Variants in MYOM2 observed in about 807,000 individuals in gnomAD.
The protein encoded by MYOM2 is myomesin 2.
Under a neutral mutation model 187.6 loss-of-function variants are expected in MYOM2, and 254 were observed. The observed-to-expected ratio is 1.35, with a 90% CI of 1.22 to 1.50. The LOEUF is 1.50. MYOM2 is among the 40% of genes most tolerant of loss of function. The pLI is 0.00. For synonymous variants in MYOM2, 981 were observed against 753.8 expected (o/e 1.30, Z -4.94); for missense variants, 2,796 against 1,924.0 (o/e 1.45, Z -8.48).
chr8:2,074,590 G>A (rs917398575), intron 10 of MYOM2, among the ~76,000 whole-genome samples: 1 of 152,274 alleles, frequency 6.6e-6, no homozygotes, highest in Middle Eastern at 3.4e-3. Context: ...CGGTAGCTGG[G>A]ACTACAGGCA....
intron 28 of MYOM2, among the ~76,000 whole-genome samples, chr8:2,121,177 C>T (rs1366057667): frequency 6.6e-6 from 1 of 152,172 alleles, no homozygotes; most frequent in East Asian, 1.9e-4. Context: ...TATGTTTCTT[C>T]CAAATTTTAG....
chr8:2,053,700 A>G (rs890586542), intron 3 of MYOM2, among the ~76,000 whole-genome samples: 1 of 152,204 alleles, frequency 6.6e-6, no homozygotes, highest in Non-Finnish European at 1.5e-5. Context: ...TGAAGGGGTT[A>G]TGTTCTCACG....
intron 13 of MYOM2, among the ~76,000 whole-genome samples, chr8:2,084,682 G>C (rs1001656232): frequency 6.6e-6 from 1 of 152,180 alleles, no homozygotes; most frequent in Non-Finnish European, 1.5e-5. Flanking sequence ...TTTGCAAAAG[G>C]CTTATCAACA....
At chr8:2,095,456 A>C (rs1484202645) in intron 17 of MYOM2, among the ~76,000 whole-genome samples, 17 of 151,790 alleles carry the variant, frequency 1.1e-4, no homozygotes, top group Non-Finnish European at 2.9e-5. Flanking sequence ...ACGCCCAGCT[A>C]ATTTTTTGAT....
At position 2,076,166 on chromosome 8, in the gene MYOM2, C is replaced by A. The variant is rs1457515161; in HGVS notation, c.1146C>A (p.Ala382=). 1 of 1,612,614 alleles carries A rather than the reference C, an allele frequency of 6.2e-7. No homozygotes were observed. Among genetic ancestry groups the A allele is most frequent in the African/African-American group, 1.3e-5 (1 of 74,860 alleles). ...ATGCTGACCCGCTGGTCACAGGGGC[C>A]CCCGGTGCACCCATGGACTTGCAGT... ...VRDADPLVTG[A]PGAPMDLQCH... Residue 382 remains alanine (A), a synonymous_variant, in exon 11 of 37, where the codon GCC becomes GCA. Coordinates refer to ENST00000262113, the MANE Select transcript of MYOM2 (RefSeq NM_003970.4).
intron 31 of MYOM2, among the ~76,000 whole-genome samples, chr8:2,126,916 G>A (rs1042707992): frequency 8.7e-5 from 13 of 148,748 alleles, no homozygotes; most frequent in Admixed American, 7.3e-4. Context: ...GGGGAGCACT[G>A]GGGGAGGCAG....
chr8:2,113,706 C>T (rs10109626), intron 25 of MYOM2, among the ~76,000 whole-genome samples: 9,582 of 152,216 alleles, frequency 0.063, 977 homozygotes, highest in African/African-American at 0.21. Flanking sequence ...TGACCATGTC[C>T]GCGGGCTCTC....
chr8:2,129,039 G>C, intron 31 of MYOM2, 88 bp from the exon 32 acceptor site: 1 of 885,608 alleles, frequency 1.1e-6, no homozygotes, highest in South Asian at 1.5e-5. Context: ...TGCAGGTGGG[G>C]ACAGGAGGGC....
In MYOM2 at chr8:2,099,101, C is replaced by G. The variant is rs1013283680; in HGVS notation, c.2440+118C>G. 10 of 1,331,162 alleles carry G rather than the reference C, an allele frequency of 7.5e-6. No individual in the cohort carries two copies. The South Asian group carries it at 1.3e-4, about 17-fold the overall frequency. The allele number at this position is 1,331,162 out of a possible 1,614,324, so 82.5% of individuals were successfully genotyped here. On this transcript the variant is annotated intron_variant, in intron 19 of 36. Coordinates refer to ENST00000262113, the MANE Select transcript of MYOM2 (RefSeq NM_003970.4). ...ACAGCGTGTCTGTTCCTCCGACACC[C>G]GCAGCCGCAGAGCCACCGTGCGCCA...
At chr8:2,071,128 C>T (rs1819199509) in intron 8 of MYOM2, among the ~76,000 whole-genome samples, 1 of 151,924 alleles carries the variant, frequency 6.6e-6, no homozygotes, top group Admixed American at 6.6e-5. Flanking sequence ...TCACCAAACC[C>T]GGCTCGTTTT....
intron 32 of MYOM2, 91 bp downstream of exon 32, chr8:2,129,323 A>G (rs1797771367): frequency 1.3e-6 from 1 of 748,562 alleles, no homozygotes; most frequent in Non-Finnish European, 2.3e-6. Flanking sequence ...GGGAACATCA[A>G]GGCACTGCCA....
chr8:2,070,091 C>T (rs1163926466), intron 8 of MYOM2, among the ~76,000 whole-genome samples: 1 of 152,202 alleles, frequency 6.6e-6, no homozygotes, highest in Non-Finnish European at 1.5e-5. Context: ...CTAGCAGTCC[C>T]ATGGTGCTGG....
At chr8:2,138,159 G>A (rs780298280) in intron 32 of MYOM2, among the ~76,000 whole-genome samples, 1 of 152,140 alleles carries the variant, frequency 6.6e-6, no homozygotes, top group Non-Finnish European at 1.5e-5. Context: ...ATGCTCACCT[G>A]CCCTCAGACA....
chr8:2,098,746 G>T (rs2294065), intron 18 of MYOM2, 111 bp from the exon 19 acceptor site: 196,099 of 1,224,220 alleles, frequency 0.16, 16,982 homozygotes, highest in African/African-American at 0.28. Context: ...TCCCGACAAG[G>T]TTCCTTCCTC....
Position 2,086,326 on chromosome 8 carries a change from C to T in MYOM2, c.1644+936C>T, listed in dbSNP as rs1325518545. Among the ~76,000 whole-genome samples the T allele has an allele frequency of 3.9e-3, 286 of 73,548 alleles. 23 individuals carry two copies. The highest frequency in any genetic ancestry group is 4.9e-3 in the Non-Finnish European group (187 of 37,846). The allele number at this position is 73,548 out of a possible 152,430, so 48.3% of individuals were successfully genotyped here. ...TGGCCCCCCACAGTCGTGATCTCTG[C>T]GTGGCCCCCCACTGTTGTGATCTCT... On this transcript the variant is annotated intron_variant, in intron 14 of 36. Coordinates refer to ENST00000262113, the MANE Select transcript of MYOM2 (RefSeq NM_003970.4).
chr8:2,084,205 C>T lies in MYOM2; in HGVS notation c.1517-1058C>T, dbSNP rs566385150. 3.5e-4 allele frequency among the ~76,000 whole-genome samples: 53 copies of T among 152,328 alleles called. No homozygotes were observed. In the South Asian group the frequency reaches 6.6e-3, roughly 19 times the overall value. Reference sequence around the variant, plus strand: ...GAGCAGGCCTGTGGGGTGTCCCCCGCCCCAGTTACCCTCTGCATTTTCCGG... The same window carrying T: ...GAGCAGGCCTGTGGGGTGTCCCCCGTCCCAGTTACCCTCTGCATTTTCCGG... On this transcript the variant is annotated intron_variant, in intron 13 of 36. Transcript: ENST00000262113.
At chr8:2,055,426 C>G (rs1309351616) in intron 3 of MYOM2, among the ~76,000 whole-genome samples, 1 of 152,162 alleles carries the variant, frequency 6.6e-6, no homozygotes, top group Non-Finnish European at 1.5e-5. Context: ...TGGGAGGAAT[C>G]TACCCCAGGC....
intron 8 of MYOM2, among the ~76,000 whole-genome samples, chr8:2,069,919 T>G (rs1387787408): frequency 6.7e-6 from 1 of 150,278 alleles, no homozygotes; most frequent in South Asian, 2.1e-4. Context: ...TAAGGAGATG[T>G]TTTTTTTTTC....
At chr8:2,143,771 C>G (rs1283061431) in intron 36 of MYOM2, among the ~76,000 whole-genome samples, 2 of 152,188 alleles carry the variant, frequency 1.3e-5, no homozygotes, top group East Asian at 3.9e-4. Context: ...GGCCATTCAC[C>G]CAGAGGAGCA....
Sources: allele counts gnomAD v4.1 joint callset (sites outside exome capture counted in the v4.1 genomes callset), GRCh38; gene constraint gnomAD v4.1.1; transcripts MANE v1.5; gene names NCBI Gene and HGNC (gene_info 2026-07-23, HGNC 2026-07-21).